The following DRC8 variants were observed in gnomAD, a reference collection of about 807,000 sequenced individuals.
DRC8 encodes dynein regulatory complex protein 8.
At chr1:244,982,193 A>G in the DRC8 span, among the ~76,000 whole-genome samples, 1 of 152,220 alleles carries the variant, frequency 6.6e-6, no homozygotes, top group African/African-American at 2.4e-5. Context: ...GATTGGGGTA[A>G]AGCCTCACAC....
At chr1:245,073,771 AAAAC>A in the DRC8 span, among the ~76,000 whole-genome samples, 223 of 152,320 alleles carry the variant, frequency 1.5e-3, no homozygotes, top group African/African-American at 5.0e-3. Flanking sequence ...ATATAAAACT[AAAAC>A]AAAGCTCTCC....
At chr1:245,110,910 A>T in the DRC8 span, among the ~76,000 whole-genome samples, 9 of 152,202 alleles carry the variant, frequency 5.9e-5, no homozygotes, top group Admixed American at 2.0e-4. Flanking sequence ...GGACTTAGAC[A>T]CTATAAAATG....
At chr1:245,057,975 CATT>C in the DRC8 span, among the ~76,000 whole-genome samples, 1 of 152,202 alleles carries the variant, frequency 6.6e-6, no homozygotes, top group African/African-American at 2.4e-5. Context: ...TGGTAACCAT[CATT>C]CTACTCTCTA....
chr1:245,023,432 G>C, the DRC8 span, among the ~76,000 whole-genome samples: 38,412 of 152,092 alleles, frequency 0.25, 5,097 homozygotes, highest in Middle Eastern at 0.32. Flanking sequence ...TTCTGTGTTT[G>C]ATATTTGAGG....
At chr1:245,116,709 A>AAAC in the DRC8 span, among the ~76,000 whole-genome samples, 6 of 152,250 alleles carry the variant, frequency 3.9e-5, no homozygotes, top group Non-Finnish European at 7.3e-5. Flanking sequence ...TTTTTATCTT[A>AAAC]AACTATAGAC....
At chr1:245,090,232 G>A in the DRC8 span, among the ~76,000 whole-genome samples, 1 of 152,188 alleles carries the variant, frequency 6.6e-6, no homozygotes, top group Non-Finnish European at 1.5e-5. Context: ...TAACAGGTAG[G>A]AGGAGTGGGT....
the DRC8 span, among the ~76,000 whole-genome samples, chr1:245,058,036 G>A: frequency 3.3e-5 from 5 of 152,138 alleles, no homozygotes; most frequent in African/African-American, 4.8e-5. Context: ...GAGAATGTGC[G>A]ATTTGTGTTG....
At chr1:245,104,838 C>T in the DRC8 span, among the ~76,000 whole-genome samples, 1 of 152,224 alleles carries the variant, frequency 6.6e-6, no homozygotes, top group Non-Finnish European at 1.5e-5. Context: ...AATTTCCGCT[C>T]TTGTCTCATA....
At chr1:245,105,652 C>T in the DRC8 span, among the ~76,000 whole-genome samples, 2 of 145,262 alleles carry the variant, frequency 1.4e-5, no homozygotes, top group Admixed American at 1.4e-4. Flanking sequence ...AAAACAAAAA[C>T]AAAAACCCAA....
the DRC8 span, among the ~76,000 whole-genome samples, chr1:244,982,880 T>C: frequency 1.3e-5 from 2 of 151,870 alleles, no homozygotes; most frequent in African/African-American, 2.4e-5. Flanking sequence ...CTGGCCAACA[T>C]GGTGAAACCC....
chr1:245,121,486 G>A, the DRC8 span, among the ~76,000 whole-genome samples: 1 of 152,166 alleles, frequency 6.6e-6, no homozygotes, highest in Non-Finnish European at 1.5e-5. Flanking sequence ...ACAGCCCATG[G>A]TCTTTCCCTT....
chr1:245,069,884 A>C, the DRC8 span, among the ~76,000 whole-genome samples: 2 of 152,126 alleles, frequency 1.3e-5, no homozygotes, highest in African/African-American at 4.8e-5. Context: ...TCTACAAAAA[A>C]ATTTTTAAAA....
chr1:245,049,589 A>G, the DRC8 span, among the ~76,000 whole-genome samples: 46 of 152,242 alleles, frequency 3.0e-4, no homozygotes, highest in Admixed American at 6.5e-4. The surrounding 1 kb of genome is among the most constrained non-coding windows in gnomAD (Gnocchi z 4.5). Flanking sequence ...AGACTAAAAA[A>G]AAACTGTAAT....
the DRC8 span, chr1:244,970,343 G>A: frequency 2.2e-5 from 33 of 1,517,102 alleles, no homozygotes; most frequent in African/African-American, 4.3e-4. Context: ...GGCTCGCCGC[G>A]GGGCGCTGAG....
At chr1:245,012,306 A>C in the DRC8 span, among the ~76,000 whole-genome samples, 1 of 151,786 alleles carries the variant, frequency 6.6e-6, no homozygotes. Context: ...TTATTGGTAA[A>C]AGACTAGTGT....
the DRC8 span, among the ~76,000 whole-genome samples, chr1:245,051,967 G>A: frequency 4.6e-5 from 7 of 152,124 alleles, no homozygotes; most frequent in African/African-American, 7.2e-5. Flanking sequence ...GGTGACGTGA[G>A]GATTAATAAT....
chr1:245,013,859 C>T, the DRC8 span, among the ~76,000 whole-genome samples: 75 of 151,626 alleles, frequency 4.9e-4, no homozygotes, highest in African/African-American at 1.6e-3. Flanking sequence ...GGTGAAACCC[C>T]GTCTCTACTA....
chr1:244,988,175 C>T, the DRC8 span, among the ~76,000 whole-genome samples: 1 of 152,028 alleles, frequency 6.6e-6, no homozygotes, highest in South Asian at 2.1e-4. Flanking sequence ...GAAAAGGGAA[C>T]TATTTAATTT....
the DRC8 span, among the ~76,000 whole-genome samples, chr1:245,006,246 G>A: frequency 6.7e-3 from 1,020 of 152,266 alleles, 4 homozygotes; most frequent in Non-Finnish European, 0.012. Flanking sequence ...TGAGAGAAAG[G>A]AGACTAAAGG....
Sources: allele counts gnomAD v4.1 joint callset (sites outside exome capture counted in the v4.1 genomes callset), GRCh38; gene constraint gnomAD v4.1.1; non-coding constraint Gnocchi (gnomAD v3.1); transcripts MANE v1.5; gene names NCBI Gene and HGNC (gene_info 2026-07-23, HGNC 2026-07-21).